Variants in RANBP2 observed in about 807,000 individuals in gnomAD.
RANBP2 encodes the protein E3 SUMO-protein ligase RanBP2.
RANBP2 carries 57 observed loss-of-function variants against 303.6 expected under a neutral mutation model. The observed-to-expected ratio is 0.19, with a 90% CI of 0.15 to 0.23. The LOEUF is 0.23. Ranked by LOEUF, RANBP2 falls within the 10% of genes least tolerant of loss-of-function variation. RANBP2 has a pLI of 1.00. For synonymous variants in RANBP2, 1,167 were observed against 1,301.5 expected (o/e 0.90, Z 2.23); for missense variants, 3,138 against 3,780.8 (o/e 0.83, Z 4.46).
the RANBP2 span, among the ~76,000 whole-genome samples, chr2:109,415,402 A>C: frequency 6.6e-6 from 1 of 152,204 alleles, no homozygotes; most frequent in South Asian, 2.1e-4. Flanking sequence ...TTCCAGGGGG[A>C]GTGCTCAGAG....
At chr2:109,706,652 C>T in the RANBP2 span, among the ~76,000 whole-genome samples, 1 of 152,216 alleles carries the variant, frequency 6.6e-6, no homozygotes, top group African/African-American at 2.4e-5. Context: ...CTTATGAAGA[C>T]AAAGGTCATT....
At chr2:108,923,571 C>A in the RANBP2 span, 2 of 845,708 alleles carry the variant, frequency 2.4e-6, no homozygotes, top group Non-Finnish European at 4.0e-6. Context: ...GGGCATGAGG[C>A]CACGCCCACT....
the RANBP2 span, among the ~76,000 whole-genome samples, chr2:109,039,424 C>T: frequency 6.6e-6 from 1 of 152,188 alleles, no homozygotes; most frequent in Non-Finnish European, 1.5e-5. Context: ...GATCTCAGTT[C>T]ACTGCAGCCT....
At chr2:109,690,811 C>T in the RANBP2 span, among the ~76,000 whole-genome samples, 25 of 152,262 alleles carry the variant, frequency 1.6e-4, no homozygotes, top group Non-Finnish European at 2.9e-5. Flanking sequence ...TAAGCCTAGG[C>T]CTACCCCTTC....
At chr2:109,149,452 G>A in the RANBP2 span, among the ~76,000 whole-genome samples, 1 of 152,184 alleles carries the variant, frequency 6.6e-6, no homozygotes. Context: ...AATCTCAGAG[G>A]TTGCCACAGC....
chr2:109,531,283 A>T, the RANBP2 span, among the ~76,000 whole-genome samples: 1 of 152,138 alleles, frequency 6.6e-6, no homozygotes, highest in African/African-American at 2.4e-5. Context: ...CACTCTACAG[A>T]CCGGCTCTGC....
chr2:109,561,948 T>C, the RANBP2 span, among the ~76,000 whole-genome samples: 3 of 152,104 alleles, frequency 2.0e-5, no homozygotes, highest in African/African-American at 7.2e-5. Context: ...TTAGTAGAGA[T>C]GGGGTTTCAA....
chr2:109,241,858 C>T, the RANBP2 span, among the ~76,000 whole-genome samples: 26 of 151,860 alleles, frequency 1.7e-4, no homozygotes, highest in South Asian at 1.0e-3. Context: ...CTCCGCCTCC[C>T]GGGTTCACGC....
the RANBP2 span, among the ~76,000 whole-genome samples, chr2:109,352,919 G>T: frequency 6.6e-6 from 1 of 152,272 alleles, no homozygotes; most frequent in African/African-American, 2.4e-5. Context: ...AGCTTGGGCT[G>T]TATCTGAAGC....
the RANBP2 span, among the ~76,000 whole-genome samples, chr2:109,360,955 G>A: frequency 6.6e-6 from 1 of 152,218 alleles, no homozygotes; most frequent in African/African-American, 2.4e-5. Context: ...TAGGTGAACT[G>A]TAGGTTATTT....
chr2:109,074,755 G>T, the RANBP2 span, among the ~76,000 whole-genome samples: 1 of 148,706 alleles, frequency 6.7e-6, no homozygotes, highest in Non-Finnish European at 1.5e-5. Flanking sequence ...GATTGGCCAG[G>T]TTCATGCCTG....
Position 108,763,276 on chromosome 2 carries a change from C to T in RANBP2, c.2737C>T (p.His913Tyr), listed in dbSNP as rs1676866631. ...CATGAATAGGCTTCCACCCCAACAG[C>T]ATATTTATGCCTATCCGCAACAGAT... Reference protein sequence around the residue: ...YGMNRLPPQQHIYAYPQQMHT... With the variant: ...YGMNRLPPQQYIYAYPQQMHT... Residue 913 changes from histidine (H) to tyrosine (Y), a missense_variant, in exon 20 of 29, where the codon CAT (histidine) becomes TAT (tyrosine). Physicochemically the swap from His to Tyr is moderately conservative, Grantham distance 83. Coordinates refer to ENST00000283195, the MANE Select transcript of RANBP2 (RefSeq NM_006267.5). 4 of 1,613,848 alleles carry T rather than the reference C, an allele frequency of 2.5e-6. No individual in the cohort carries two copies.
chr2:108,905,550 T>C, the RANBP2 span, among the ~76,000 whole-genome samples: 1 of 149,574 alleles, frequency 6.7e-6, no homozygotes, highest in Non-Finnish European at 1.5e-5. Flanking sequence ...GGAGGAGGGG[T>C]AATGGGGGCA....
chr2:108,752,617 C>CAAAAAAAAAAA (rs1247816984), intron 12 of RANBP2, among the ~76,000 whole-genome samples: 1 of 40,630 alleles, frequency 2.5e-5, no homozygotes, highest in Non-Finnish European at 4.5e-5. Context: ...ACTAAAAATA[C>CAAAAAAAAAAA]AAAAAAAAAA....
the RANBP2 span, among the ~76,000 whole-genome samples, chr2:109,602,877 G>C: frequency 7.6e-6 from 1 of 131,276 alleles, no homozygotes; most frequent in South Asian, 2.4e-4. Context: ...CTTAAAGCCT[G>C]AACAACATAG....
chr2:109,702,532 A>G, the RANBP2 span, among the ~76,000 whole-genome samples: 343 of 152,312 alleles, frequency 2.3e-3, 1 homozygote, highest in African/African-American at 8.0e-3. Flanking sequence ...TTGTGCAGAC[A>G]TGGTCTGGGC....
the RANBP2 span, among the ~76,000 whole-genome samples, chr2:109,592,070 T>C: frequency 3.9e-5 from 6 of 152,278 alleles, no homozygotes; most frequent in African/African-American, 1.4e-4. Context: ...TAAGGTGTAA[T>C]CTTGCATCAG....
chr2:109,355,404 C>G, the RANBP2 span, among the ~76,000 whole-genome samples: 1 of 152,318 alleles, frequency 6.6e-6, no homozygotes, highest in African/African-American at 2.4e-5. Context: ...CTAGGACTCT[C>G]TGACCAAATC....
In RANBP2 at chr2:108,766,734, C is replaced by T. The variant is rs898642373; in HGVS notation, c.6195C>T (p.Asn2065=). 14 of 1,611,928 alleles carry T rather than the reference C, an allele frequency of 8.7e-6. No homozygotes were observed. Among genetic ancestry groups the T allele is most frequent in the East Asian group, 2.2e-5 (1 of 44,882 alleles). ...RGLGNLKILK[N]EVNGKLRMLM... ...TGGGGAACTTAAAAATTCTCAAAAA[C>T]GAGGTCAATGGCAAACTAAGAATGC... The change falls in exon 20 of 29, where the codon AAC becomes AAT. Residue 2065 remains asparagine (N), a synonymous_variant. Transcript: ENST00000283195.
Sources: gnomAD v4.1 joint callset for allele counts (sites outside exome capture counted in the v4.1 genomes callset) on GRCh38, gnomAD v4.1.1 for gene constraint, MANE v1.5 for transcripts, NCBI Gene and HGNC (gene_info 2026-07-23, HGNC 2026-07-21) for gene names.